Variants in DNAH5 observed in about 807,000 individuals in gnomAD.
DNAH5 encodes the protein dynein axonemal heavy chain 5.
Under a neutral mutation model 518.2 loss-of-function variants are expected in DNAH5, and 372 were observed. The observed-to-expected ratio is 0.72, with a 90% CI of 0.66 to 0.78. DNAH5 has a LOEUF of 0.78. Ranked by LOEUF, DNAH5 falls within the 30% of genes least tolerant of loss-of-function variation. The pLI, the probability that DNAH5 is intolerant of heterozygous loss-of-function variation, is 0.00. For synonymous variants in DNAH5, 2,039 were observed against 2,025.9 expected (o/e 1.01, Z -0.17); for missense variants, 5,523 against 5,687.0 (o/e 0.97, Z 0.93).
Position 13,885,000 on chromosome 5 carries a change from A to C in DNAH5, c.2972T>G (p.Ile991Ser). 1 of 1,614,176 alleles carries C rather than the reference A, an allele frequency of 6.2e-7. No homozygotes were observed. The highest frequency in any genetic ancestry group is 8.5e-7 in the Non-Finnish European group (1 of 1,180,022). Reference sequence around the variant, plus strand: ...CACAAGATTATTACCCCGGAAGTTAATTGTGTGAGAGGAATGAATACGTTT... The same window carrying C: ...CACAAGATTATTACCCCGGAAGTTACTTGTGTGAGAGGAATGAATACGTTT... ...IRKRIHSSHT[I>S]NFRDSNSASN... is the part of the protein sequence containing the mutation. The change falls in exon 19 of 79, where the codon ATT (isoleucine) becomes AGT (serine). Residue 991 changes from isoleucine to serine, a missense_variant. By Grantham distance (142) the Ile-to-Ser change is moderately radical. Coordinates refer to ENST00000265104, the MANE Select transcript of DNAH5 (RefSeq NM_001369.3).
intron 1 of DNAH5, among the ~76,000 whole-genome samples, chr5:13,983,191 T>A (rs1001119366): frequency 1.1e-4 from 17 of 152,188 alleles, no homozygotes; most frequent in African/African-American, 4.1e-4. Flanking sequence ...GCTGCCTCCA[T>A]GCTGGATGAA....
intron 53 of DNAH5, 105 bp from the exon 54 acceptor site, chr5:13,777,460 T>G: frequency 2.0e-6 from 2 of 1,011,842 alleles, no homozygotes; most frequent in Non-Finnish European, 1.5e-6. Context: ...AAATGCTGAT[T>G]TTGTTCTATC....
chr5:13,924,675 CAAA>C (rs5866075), intron 3 of DNAH5, among the ~76,000 whole-genome samples: 12 of 112,780 alleles, frequency 1.1e-4, no homozygotes, highest in African/African-American at 9.4e-5. Context: ...AACTCCGTCT[CAAA>C]AAAAAAAAAA....
chr5:13,873,159 C>T (rs1020239463), intron 22 of DNAH5, among the ~76,000 whole-genome samples: 1 of 152,038 alleles, frequency 6.6e-6, no homozygotes, highest in Non-Finnish European at 1.5e-5. Context: ...GAAAGAACAA[C>T]AAAGAAAGAA....
chr5:13,845,804 A>G (rs1765910071), intron 31 of DNAH5, among the ~76,000 whole-genome samples: 1 of 128,094 alleles, frequency 7.8e-6, no homozygotes, highest in East Asian at 2.3e-4. Flanking sequence ...TATCATTTGT[A>G]TTAGTATTCA....
At chr5:13,735,085 T>C (rs764595253) in intron 68 of DNAH5, 46 bp downstream of exon 68, 1 of 1,582,446 alleles carries the variant, frequency 6.3e-7, no homozygotes, top group Non-Finnish European at 8.7e-7. Context: ...TCACAATAAC[T>C]CCTCCATCTG....
At chr5:13,798,729 GATTTTATTT>G (rs1314845405) in intron 47 of DNAH5, among the ~76,000 whole-genome samples, 12 of 138,642 alleles carry the variant, frequency 8.7e-5, no homozygotes, top group East Asian at 2.2e-4. Context: ...TTTTCATCAT[GATTTTATTT>G]ATTTTATTTA....
intron 35 of DNAH5, among the ~76,000 whole-genome samples, chr5:13,834,444 T>C (rs1764101386): frequency 6.6e-6 from 1 of 152,238 alleles, no homozygotes; most frequent in Non-Finnish European, 1.5e-5. Flanking sequence ...TTCTGTACCA[T>C]GTAAATTTTT....
chr5:14,003,404 T>A (rs564651821), intron 1 of DNAH5, among the ~76,000 whole-genome samples: 8 of 152,254 alleles, frequency 5.3e-5, no homozygotes, highest in Admixed American at 5.2e-4. Context: ...ATGTGAGCAG[T>A]ACTTTGCCTT....
chr5:13,843,338 T>C (rs1291682815), intron 32 of DNAH5, among the ~76,000 whole-genome samples: 1 of 152,088 alleles, frequency 6.6e-6, no homozygotes, highest in East Asian at 1.9e-4. Context: ...TCCCATGGCT[T>C]TTTATCATGT....
intron 59 of DNAH5, among the ~76,000 whole-genome samples, chr5:13,764,412 A>C (rs1163976147): frequency 1.3e-5 from 2 of 152,208 alleles, no homozygotes; most frequent in African/African-American, 4.8e-5. Context: ...AAGTAATAAA[A>C]AAAATTAACT....
At chr5:13,989,156 G>T (rs1203472096) in intron 1 of DNAH5, among the ~76,000 whole-genome samples, 3 of 152,074 alleles carry the variant, frequency 2.0e-5, no homozygotes, top group Non-Finnish European at 4.4e-5. Context: ...GTTGCTTGCA[G>T]AATGGAAGTG....
intron 6 of DNAH5, among the ~76,000 whole-genome samples, chr5:13,920,202 T>A (rs559538202): frequency 6.6e-6 from 1 of 152,340 alleles, no homozygotes; most frequent in African/African-American, 2.4e-5. Flanking sequence ...TCTACAGGGG[T>A]TCTCTCCAAA....
At chr5:13,961,641 C>T (rs2152047335) in intron 1 of DNAH5, among the ~76,000 whole-genome samples, 1 of 126,426 alleles carries the variant, frequency 7.9e-6, no homozygotes, top group East Asian at 2.1e-4. Context: ...AAGACTCCTT[C>T]TGAAAAAAAG....
At chr5:13,903,882 T>A (rs1774971887) in intron 12 of DNAH5, among the ~76,000 whole-genome samples, 1 of 151,998 alleles carries the variant, frequency 6.6e-6, no homozygotes, top group Non-Finnish European at 1.5e-5. Context: ...AGAATGATAA[T>A]GAACCCAAAA....
At chr5:13,942,398 A>G (rs970498647) in intron 1 of DNAH5, among the ~76,000 whole-genome samples, 66 of 152,142 alleles carry the variant, frequency 4.3e-4, no homozygotes, top group African/African-American at 1.6e-3. Flanking sequence ...AATGTTTCCC[A>G]TTGGTCATTT....
At chr5:13,736,972 T>C (rs1295143216) in intron 66 of DNAH5, among the ~76,000 whole-genome samples, 1 of 152,212 alleles carries the variant, frequency 6.6e-6, no homozygotes, top group East Asian at 1.9e-4. Context: ...CATCAGATTT[T>C]TTAAAATTCT....
At chr5:13,860,791 G>A (rs1207208973) in intron 29 of DNAH5, among the ~76,000 whole-genome samples, 2 of 152,190 alleles carry the variant, frequency 1.3e-5, no homozygotes, top group Non-Finnish European at 2.9e-5. Flanking sequence ...AATCCTAAAT[G>A]ATTATACAGC....
At chr5:13,884,710 G>T (rs930619921) in intron 19 of DNAH5, among the ~76,000 whole-genome samples, 1 of 152,190 alleles carries the variant, frequency 6.6e-6, no homozygotes, top group South Asian at 2.1e-4. Flanking sequence ...GGCGGCGTGC[G>T]CCTATAGTCC....
Sources: gnomAD v4.1 joint callset for allele counts (sites outside exome capture counted in the v4.1 genomes callset) on GRCh38, gnomAD v4.1.1 for gene constraint, MANE v1.5 for transcripts, NCBI Gene and HGNC (gene_info 2026-07-23, HGNC 2026-07-21) for gene names.